Variants in LTK observed in about 807,000 individuals in gnomAD.
The protein encoded by LTK is leukocyte tyrosine kinase receptor.
A neutral mutation model predicts 101.5 loss-of-function variants in LTK; 117 were observed. That is an observed-to-expected ratio of 1.15 (90% CI 0.99 to 1.34). The LOEUF (loss-of-function observed/expected upper bound fraction) is 1.34. Ranked by LOEUF, LTK falls within the 40% of genes most tolerant of loss-of-function variation. The pLI is 0.00. For missense variants in LTK, 1,252 were observed against 1,164.7 expected, an observed-to-expected ratio of 1.07 and a Z score of -1.09; for synonymous variants, 563 against 494.2, an observed-to-expected ratio of 1.14 and a Z score of -1.85.
intron 16 of LTK, 41 bp from the exon 17 acceptor site, chr15:41,504,915 A>G: frequency 6.2e-7 from 1 of 1,601,176 alleles, no homozygotes. Flanking sequence ...GTTCACCACC[A>G]AGGTGCGGGG....
chr15:41,506,486 G>A (rs181140717), intron 11 of LTK, among the ~76,000 whole-genome samples: 2 of 151,396 alleles, frequency 1.3e-5, no homozygotes, highest in African/African-American at 2.4e-5. Context: ...TGTGTTTTTA[G>A]TAGACACAGG....
Position 41,507,663 on chromosome 15 carries a change from GAGAA to G in LTK, c.1250-10_1250-7del, listed in dbSNP as rs1165403779. On this transcript the variant is annotated splice_region_variant and splice_polypyrimidine_tract_variant and intron_variant, in intron 9 of 19. Coordinates refer to ENST00000263800, the MANE Select transcript of LTK (RefSeq NM_002344.6). Reference sequence around the variant, plus strand: ...GCCTGGGGGCTTGTGCAGGTCTAGGGAGAAAGAGAGACACCTCCAGTGGGAAGGT... The same window carrying G: ...GCCTGGGGGCTTGTGCAGGTCTAGGGAGAGAGACACCTCCAGTGGGAAGGT... 1.2e-6 allele frequency: 2 copies of G among 1,611,246 alleles called. No homozygotes were observed. The highest frequency in any genetic ancestry group is 2.2e-5 in the East Asian group (1 of 44,720).
chr15:41,507,969 T>G lies in LTK; in HGVS notation c.1249+100A>C. ...CCTGCCCAGCACCCACCACAGGGCC[T>G]GGCACACAGCAAATCTCTATACCAT... On this transcript the variant is annotated intron_variant, in intron 9 of 19. Coordinates refer to ENST00000263800, the MANE Select transcript of LTK (RefSeq NM_002344.6). The G allele has an allele frequency of 2.3e-6, 3 of 1,317,272 alleles. No individual in the cohort carries two copies. The South Asian group carries it at 4.4e-5, about 19-fold the overall frequency. 81.6% of individuals were successfully genotyped at this position (1,317,272 alleles called of 1,614,324 possible).
chr15:41,507,448 G>T (rs548186466), intron 10 of LTK, 114 bp downstream of exon 10: 4 of 1,548,288 alleles, frequency 2.6e-6, no homozygotes, highest in Non-Finnish European at 3.5e-6. Context: ...AGTCTACCAC[G>T]GCTCTGCTGC....
chr15:41,510,471 T>C (rs1446582223), intron 7 of LTK, among the ~76,000 whole-genome samples: 1 of 145,230 alleles, frequency 6.9e-6, no homozygotes, highest in African/African-American at 2.5e-5. Context: ...GTTTTTTTTT[T>C]AATCTTTGAG....
Position 41,512,186 on chromosome 15 carries a change from T to A in LTK, c.439A>T (p.Ile147Phe). 1 of 1,612,590 alleles carries A rather than the reference T, an allele frequency of 6.2e-7. No individual in the cohort carries two copies. The highest frequency in any genetic ancestry group is 8.5e-7 in the Non-Finnish European group (1 of 1,179,756). ...GACTCCCCGAGACCGAGGGAGAAGA[T>A]TGCTGAGACGAAGACGCCATGCGCC... ...SRAHGVFVSAIFSLGLGESLY... is the reference protein window; with the variant it reads ...SRAHGVFVSAFFSLGLGESLY... Residue 147 changes from isoleucine (I) to phenylalanine (F), a missense_variant, in exon 4 of 20, where the codon ATC becomes TTC. Ile to Phe is a conservative substitution (Grantham distance 21, BLOSUM62 0). Coordinates refer to ENST00000263800, the MANE Select transcript of LTK (RefSeq NM_002344.6).
chr15:41,509,654 TCCG>T (rs2051391684), intron 7 of LTK, among the ~76,000 whole-genome samples: 1 of 151,688 alleles, frequency 6.6e-6, no homozygotes, highest in Non-Finnish European at 1.5e-5. Flanking sequence ...AGGTCAGGAG[TCCG>T]AGACTAGCCT....
At chr15:41,512,008 C>T in intron 4 of LTK, 45 bp from the exon 5 acceptor site, 1 of 1,444,242 alleles carries the variant, frequency 6.9e-7, no homozygotes, top group African/African-American at 1.5e-5. Context: ...GGGAGCCTCC[C>T]CTCGCTGTGC....
chr15:41,504,487 C>G lies in LTK; in HGVS notation c.2255+19G>C. The G allele has an allele frequency of 1.2e-6, 2 of 1,613,466 alleles. No homozygotes were observed. The highest frequency in any genetic ancestry group is 2.2e-5 in the East Asian group (1 of 44,880). On this transcript the variant is annotated intron_variant, in intron 18 of 19. Coordinates refer to ENST00000263800, the MANE Select transcript of LTK (RefSeq NM_002344.6). Reference sequence around the variant, plus strand: ...CATGGTTGTGAAGGACCTCCCTTCCCGGGCAGCACTCAACTCACACAGGCC... The same window carrying G: ...CATGGTTGTGAAGGACCTCCCTTCCGGGGCAGCACTCAACTCACACAGGCC...
intron 1 of LTK, 102 bp from the exon 2 acceptor site, chr15:41,513,222 C>T: frequency 1.5e-6 from 2 of 1,370,726 alleles, no homozygotes; most frequent in South Asian, 2.7e-5. Flanking sequence ...GTCGCGGCCA[C>T]ACCCGTCACC....
In LTK at chr15:41,512,265, C is replaced by A; in HGVS notation, c.360G>T (p.Leu120=). ...CGCCCGCGGCTCCGTAGGCTGAGAT[C>A]CTGCGGGGAACGGACGGTGAGTCCC... ...LWRVPGPGQY[L]ISAYGAAGGK... is the part of the protein sequence containing the mutation. The change falls in exon 4 of 20, where the codon CTG becomes CTT. Residue 120 remains leucine, a splice_region_variant and synonymous_variant. Transcript: ENST00000263800. The A allele has an allele frequency of 1.2e-6, 2 of 1,611,238 alleles. No individual in the cohort carries two copies. Among genetic ancestry groups the A allele is most frequent in the African/African-American group, 1.3e-5 (1 of 75,008 alleles).
chr15:41,509,948 A>G (rs570437235), intron 7 of LTK, among the ~76,000 whole-genome samples: 4 of 152,304 alleles, frequency 2.6e-5, no homozygotes, highest in African/African-American at 9.6e-5. Context: ...CAATATATAC[A>G]CCACCTCACA....
chr15:41,507,200 G>A lies in LTK; in HGVS notation c.1436C>T (p.Thr479Ile), dbSNP rs765684638. ...CTGGCAATAATAGGGATTGGGGGCT[G>A]TCCTGATGGCAGAGGTTCGAAGCTT... ...LSKLRTSAIR[T>I]APNPYYCQVG... Residue 479 changes from threonine (T) to isoleucine (I), a missense_variant, in exon 11 of 20, where the codon ACA becomes ATA. By Grantham distance (89) the Thr-to-Ile change is moderately conservative. Transcript: ENST00000263800. The A allele has an allele frequency of 1.2e-6, 2 of 1,613,864 alleles. No individual in the cohort carries two copies. Among genetic ancestry groups the A allele is most frequent in the Non-Finnish European group, 1.7e-6 (2 of 1,179,948 alleles).
Position 41,507,277 on chromosome 15 carries a change from C to A in LTK, c.1359G>T (p.Lys453Asn). ...GCCTCATCTCCTGCAGGCCCTGCCA[C>A]TTCTTCTGCTTCACTGGGGGTGGGA... The part of the protein sequence containing the change: ...CGVLILVKQK[K>N]WQGLQEMRLP... Residue 453 changes from lysine to asparagine, a missense_variant, in exon 11 of 20, where the codon AAG (lysine) becomes AAT (asparagine). Coordinates refer to ENST00000263800, the MANE Select transcript of LTK (RefSeq NM_002344.6). 1 of 1,595,416 alleles carries A rather than the reference C, an allele frequency of 6.3e-7. No individual in the cohort carries two copies. The highest frequency in any genetic ancestry group is 1.8e-5 in the Admixed American group (1 of 55,088).
chr15:41,508,058 G>C lies in LTK; in HGVS notation c.1249+11C>G, dbSNP rs756727477. 74 of 1,587,622 alleles carry C rather than the reference G, an allele frequency of 4.7e-5. No homozygotes were observed. Among genetic ancestry groups the C allele is most frequent in the Non-Finnish European group, 6.3e-5 (73 of 1,166,830 alleles). On this transcript the variant is annotated intron_variant, in intron 9 of 19. Transcript: ENST00000263800. ...CCAGGAGTCCAGACCTTGGGCAAAGGTAGGACATACCCATGCAGGTGACGT... is the reference window on the plus strand; with the variant it reads ...CCAGGAGTCCAGACCTTGGGCAAAGCTAGGACATACCCATGCAGGTGACGT...
Position 41,513,013 on chromosome 15 carries a change from T to C in LTK, c.151A>G (p.Ser51Gly), listed in dbSNP as rs974071209. ...PRDPKVSAPP[S>G]ILEPASPLNS... is the part of the protein sequence containing the mutation. ...AGCGGGGAGGCTGGCTCCAAGATACTAGGCGGGGCGCTGACTTTCGGGTCC... is the reference window on the plus strand; with the variant it reads ...AGCGGGGAGGCTGGCTCCAAGATACCAGGCGGGGCGCTGACTTTCGGGTCC... The change falls in exon 2 of 20, where the codon AGT (serine) becomes GGT (glycine). Residue 51 changes from serine to glycine, a missense_variant. Ser to Gly is a moderately conservative substitution (Grantham distance 56, BLOSUM62 0). Transcript: ENST00000263800. 1 of 1,613,186 alleles carries C rather than the reference T, an allele frequency of 6.2e-7. No individual in the cohort carries two copies.
intron 1 of LTK, 124 bp from the exon 2 acceptor site, chr15:41,513,244 C>CA: frequency 8.4e-7 from 1 of 1,189,098 alleles, no homozygotes; most frequent in Admixed American, 3.3e-5. Flanking sequence ...GGCCCAGCCG[C>CA]GCTCTCAGCC....
At position 41,511,593 on chromosome 15, in the gene LTK, G is replaced by A. The variant is rs746932795; in HGVS notation, c.658-15C>T. ...CCAGCGCGCACCTGTGGGGCCAGCG[G>A]CGTGTTCCAGGAAGCGCCCTCCAGC... On this transcript the variant is annotated splice_polypyrimidine_tract_variant and intron_variant, in intron 5 of 19. Transcript: ENST00000263800. This position sits in a 1 kb window ranked among gnomAD's most constrained non-coding sequence, Gnocchi z 5.9. 1 of 1,434,690 alleles carries A rather than the reference G, an allele frequency of 7.0e-7. No homozygotes were observed. 88.9% of individuals were successfully genotyped at this position (1,434,690 alleles called of 1,614,324 possible).
Position 41,513,082 on chromosome 15 carries a change from A to G in LTK, c.82T>C (p.Phe28Leu). ...AGCGGCAGGGGCGAGGACCGCAGAA[A>G]AGTCTCCTGGGACCCCGGGCTAGAG... ...LCSSPGSQET[F>L]LRSSPLPLAS... The change falls in exon 2 of 20, where the codon TTT (phenylalanine) becomes CTT (leucine). Residue 28 changes from phenylalanine to leucine, a missense_variant. Physicochemically the swap from Phe to Leu is conservative, Grantham distance 22. Transcript: ENST00000263800. 6.2e-7 allele frequency: 1 copy of G among 1,610,768 alleles called. No homozygotes were observed. Among genetic ancestry groups the G allele is most frequent in the Non-Finnish European group, 8.5e-7 (1 of 1,178,912 alleles).
Sources: gnomAD v4.1 joint callset for allele counts (sites outside exome capture counted in the v4.1 genomes callset) on GRCh38, gnomAD v4.1.1 for gene constraint, Gnocchi (gnomAD v3.1) non-coding constraint, MANE v1.5 for transcripts, NCBI Gene and HGNC (gene_info 2026-07-23, HGNC 2026-07-21) for gene names.